Variants in RPS6KC1 observed in about 807,000 individuals in gnomAD.
RPS6KC1 encodes the protein ribosomal protein S6 kinase C1, also known as inactive ribosomal protein S6 kinase delta-1.
RPS6KC1 carries 54 observed loss-of-function variants against 103.8 expected under a neutral mutation model. The observed-to-expected ratio is 0.52, with a 90% CI of 0.42 to 0.65. The LOEUF (loss-of-function observed/expected upper bound fraction) is 0.65, where lower values mean the gene tolerates loss of function less well. Among genes scored for constraint, RPS6KC1 ranks in the 30% least tolerant of loss-of-function variants. The pLI, the probability that RPS6KC1 is intolerant of heterozygous loss-of-function variation, is 0.00. For synonymous variants in RPS6KC1, 439 were observed against 438.7 expected (o/e 1.00, Z -0.01); for missense variants, 1,151 against 1,253.8 (o/e 0.92, Z 1.24).
At chr1:213,307,245 A>G in the RPS6KC1 span, among the ~76,000 whole-genome samples, 5 of 151,936 alleles carry the variant, frequency 3.3e-5, no homozygotes, top group South Asian at 8.3e-4. Context: ...TTGTATTTTT[A>G]GTAGAGACAG....
At chr1:213,218,732 C>A (rs1331111355) in intron 8 of RPS6KC1, among the ~76,000 whole-genome samples, 16 of 152,338 alleles carry the variant, frequency 1.1e-4, no homozygotes, top group Admixed American at 1.0e-3. Flanking sequence ...CTACAACTAT[C>A]TGATCTTTGA....
the RPS6KC1 span, among the ~76,000 whole-genome samples, chr1:213,588,799 C>T: frequency 1.3e-5 from 2 of 152,180 alleles, no homozygotes; most frequent in Non-Finnish European, 2.9e-5. Flanking sequence ...GCAGGAGGTG[C>T]ATTAGCCTTG....
downstream of RPS6KC1, among the ~76,000 whole-genome samples, chr1:213,277,076 A>G (rs2095113966): frequency 6.6e-6 from 1 of 152,208 alleles, no homozygotes; most frequent in Admixed American, 6.5e-5. Flanking sequence ...TTTTATGTCT[A>G]CTAGGCTCAT....
At chr1:213,729,514 C>T in the RPS6KC1 span, among the ~76,000 whole-genome samples, 1 of 152,208 alleles carries the variant, frequency 6.6e-6, no homozygotes, top group East Asian at 1.9e-4. Flanking sequence ...CCAAGATCAT[C>T]TTATTTGTCA....
the RPS6KC1 span, among the ~76,000 whole-genome samples, chr1:213,779,326 A>T: frequency 2.6e-5 from 4 of 151,936 alleles, no homozygotes; most frequent in Non-Finnish European, 5.9e-5. Context: ...TCTTTAATAA[A>T]CTCAATATGT....
At chr1:213,544,430 A>G in the RPS6KC1 span, among the ~76,000 whole-genome samples, 1 of 152,194 alleles carries the variant, frequency 6.6e-6, no homozygotes, top group Non-Finnish European at 1.5e-5. Flanking sequence ...TTAAAGATAC[A>G]ATGGCTAAGC....
the RPS6KC1 span, among the ~76,000 whole-genome samples, chr1:213,622,455 C>T: frequency 1.3e-5 from 2 of 152,058 alleles, no homozygotes; most frequent in African/African-American, 4.8e-5. Context: ...TGCTTAATTC[C>T]ACAGGAAGTA....
At position 213,208,982 on chromosome 1, in the gene RPS6KC1, A is replaced by G. The variant is rs560012166; in HGVS notation, c.1045-21515A>G. On this transcript the variant is annotated intron_variant, in intron 8 of 14. Coordinates refer to ENST00000366960, the MANE Select transcript of RPS6KC1 (RefSeq NM_012424.6). ...AAAGTTTGAACTTCAAGCTAAGCCT[A>G]TAAAGTTCTTTGTGATCTAGTCCTT... Among the ~76,000 whole-genome samples the G allele has an allele frequency of 2.0e-5, 3 of 152,134 alleles. No homozygotes were observed. The East Asian group carries it at 5.8e-4, about 30-fold the overall frequency.
the RPS6KC1 span, chr1:213,819,827 G>A: frequency 6.6e-6 from 1 of 152,120 alleles, no homozygotes; most frequent in Non-Finnish European, 1.5e-5. Context: ...TTATCATTTG[G>A]AGTCACTAAA....
At chr1:213,615,394 T>C in the RPS6KC1 span, among the ~76,000 whole-genome samples, 1 of 152,248 alleles carries the variant, frequency 6.6e-6, no homozygotes, top group African/African-American at 2.4e-5. Flanking sequence ...ACACCAGCCT[T>C]CAGTGCCTGC....
the RPS6KC1 span, among the ~76,000 whole-genome samples, chr1:213,695,480 G>A: frequency 6.6e-6 from 1 of 152,228 alleles, no homozygotes; most frequent in African/African-American, 2.4e-5. Flanking sequence ...AGAGTCAGGT[G>A]GGCTGACTGT....
intron 4 of RPS6KC1, among the ~76,000 whole-genome samples, chr1:213,108,574 A>T (rs1021833779): frequency 6.6e-6 from 1 of 151,928 alleles, no homozygotes; most frequent in African/African-American, 2.4e-5. Context: ...TTGAACTTCC[A>T]TAAAAATTTT....
chr1:213,703,484 T>C, the RPS6KC1 span, among the ~76,000 whole-genome samples: 1 of 152,212 alleles, frequency 6.6e-6, no homozygotes, highest in African/African-American at 2.4e-5. Flanking sequence ...ATTAACATCC[T>C]TTTCATCCTG....
At chr1:213,502,054 C>T in the RPS6KC1 span, among the ~76,000 whole-genome samples, 1 of 152,072 alleles carries the variant, frequency 6.6e-6, no homozygotes, top group Non-Finnish European at 1.5e-5. Flanking sequence ...ATTTTCCAGG[C>T]AGAAAGAAGG....
the RPS6KC1 span, among the ~76,000 whole-genome samples, chr1:213,568,505 A>G: frequency 6.6e-6 from 1 of 152,190 alleles, no homozygotes; most frequent in Non-Finnish European, 1.5e-5. Flanking sequence ...TCCTAATTAT[A>G]CTCCAATAGA....
the RPS6KC1 span, among the ~76,000 whole-genome samples, chr1:213,851,477 A>G: frequency 1.3e-5 from 2 of 152,042 alleles, no homozygotes; most frequent in Admixed American, 1.3e-4. Flanking sequence ...TCCATCTTAA[A>G]TGTTGACACC....
the RPS6KC1 span, among the ~76,000 whole-genome samples, chr1:213,543,769 A>G: frequency 1.3e-5 from 2 of 152,204 alleles, no homozygotes; most frequent in Non-Finnish European, 2.9e-5. Context: ...ATTATTATGT[A>G]TAAGTTACTT....
the RPS6KC1 span, chr1:213,835,928 G>C: frequency 6.6e-6 from 1 of 152,062 alleles, no homozygotes; most frequent in Non-Finnish European, 1.5e-5. Flanking sequence ...TCCACGTGAA[G>C]TTTAGAAATG....
intron 3 of RPS6KC1, among the ~76,000 whole-genome samples, chr1:213,098,796 A>G (rs1160213586): frequency 6.6e-6 from 1 of 152,240 alleles, no homozygotes; most frequent in East Asian, 1.9e-4. Context: ...ACACAGAGAC[A>G]TAAAGTGAGC....
Sources: gnomAD v4.1 joint callset for allele counts (sites outside exome capture counted in the v4.1 genomes callset) on GRCh38, gnomAD v4.1.1 for gene constraint, MANE v1.5 for transcripts, NCBI Gene and HGNC (gene_info 2026-07-23, HGNC 2026-07-21) for gene names.